The following IBTK variants were observed in gnomAD, a reference collection of about 807,000 sequenced individuals.
IBTK encodes the protein BTK-binding protein.
Under a neutral mutation model 154.9 loss-of-function variants are expected in IBTK, and 83 were observed. The ratio of observed to expected loss-of-function variants is 0.54; its 90% CI spans 0.45 to 0.64. The LOEUF is 0.64. Among genes scored for constraint, IBTK ranks in the 30% least tolerant of loss-of-function variants. IBTK has a pLI of 0.00. For synonymous variants in IBTK, 515 were observed against 536.1 expected, an observed-to-expected ratio of 0.96 and a Z score of 0.54; for missense variants, 1,332 against 1,584.6, an observed-to-expected ratio of 0.84 and a Z score of 2.71.
intron 26 of IBTK, among the ~76,000 whole-genome samples, chr6:82,179,317 T>C (rs1338705200): frequency 6.6e-6 from 1 of 152,202 alleles, no homozygotes; most frequent in Non-Finnish European, 1.5e-5. Context: ...TATTTTTGTT[T>C]GATTTTGGTT....
At position 82,194,624 on chromosome 6, in the gene IBTK, C is replaced by A; in HGVS notation, c.3193G>T (p.Val1065Phe). 6.3e-7 allele frequency: 1 copy of A among 1,586,274 alleles called. No individual in the cohort carries two copies. Among genetic ancestry groups the A allele is most frequent in the Non-Finnish European group, 8.6e-7 (1 of 1,168,132 alleles). ...GAATACACAGGAGATGTACCATTAA[C>A]ATACGGTTTGACTTTCGCCTGGGGA... ...DKIEAKVKPY[V>F]NGTSPVYSRE... Residue 1065 changes from valine (V) to phenylalanine (F), a missense_variant, in exon 23 of 29, where the codon GTT (valine) becomes TTT (phenylalanine). By Grantham distance (50) the Val-to-Phe change is conservative. Coordinates refer to ENST00000306270, the MANE Select transcript of IBTK (RefSeq NM_015525.4).
At chr6:82,187,564 T>C (rs934551331) in intron 25 of IBTK, among the ~76,000 whole-genome samples, 1 of 152,156 alleles carries the variant, frequency 6.6e-6, no homozygotes, top group East Asian at 1.9e-4. Flanking sequence ...CAACACATTT[T>C]TGAAGGATAG....
At chr6:82,207,167 T>C (rs1483444473) in intron 16 of IBTK, among the ~76,000 whole-genome samples, 1 of 152,166 alleles carries the variant, frequency 6.6e-6, no homozygotes, top group African/African-American at 2.4e-5. Flanking sequence ...GCAGATGACA[T>C]GATCTTGCAT....
At chr6:82,205,757 C>G (rs1487096090) in intron 16 of IBTK, 1 of 152,172 alleles carries the variant, frequency 6.6e-6, no homozygotes, top group Non-Finnish European at 1.5e-5. Context: ...CAGAGTGAGA[C>G]TCCATCTCAA....
At position 82,224,126 on chromosome 6, in the gene IBTK, A is replaced by G. The variant is rs1211089840; in HGVS notation, c.885T>C (p.His295=). The change falls in exon 7 of 29, where the codon CAT becomes CAC. Residue 295 remains histidine (H), a synonymous_variant. Transcript: ENST00000306270. ...TIIGVAAGRF[H]TVLWTREAVY... is the part of the protein sequence containing the mutation. ...CAGCTTCTCTAGTCCATAGGACTGT[A>G]TGAAACCTGCCTGCTGCAACGCCAA... The G allele has an allele frequency of 6.2e-7, 1 of 1,614,080 alleles. No homozygotes were observed. Among genetic ancestry groups the G allele is most frequent in the South Asian group, 1.1e-5 (1 of 91,084 alleles).
At position 82,204,866 on chromosome 6, in the gene IBTK, T is replaced by C; in HGVS notation, c.2602A>G (p.Thr868Ala). 1.3e-6 allele frequency: 2 copies of C among 1,592,192 alleles called. No homozygotes were observed. The highest frequency in any genetic ancestry group is 1.7e-6 in the Non-Finnish European group (2 of 1,164,452). Residue 868 changes from threonine (T) to alanine (A), a missense_variant, in exon 17 of 29, where the codon ACT (threonine) becomes GCT (alanine). Thr to Ala is a moderately conservative substitution (Grantham distance 58). Transcript: ENST00000306270. ...ACTCAAAATTACTCACGTTTTTCAGTTAATGCTACTTCACAAATCTCTTTC... is the reference window on the plus strand; with the variant it reads ...ACTCAAAATTACTCACGTTTTTCAGCTAATGCTACTTCACAAATCTCTTTC... ...RLKEICEVAL[T>A]EKLTLKNAAM...
chr6:82,212,516 T>C (rs1342686292), intron 13 of IBTK, among the ~76,000 whole-genome samples, 191 bp downstream of exon 13: 2 of 152,156 alleles, frequency 1.3e-5, no homozygotes, highest in Non-Finnish European at 2.9e-5. Context: ...TCCTTTGATG[T>C]CTTCAGCAGT....
At chr6:82,247,260 T>C (rs1461368911) in intron 1 of IBTK, among the ~76,000 whole-genome samples, 1 of 152,190 alleles carries the variant, frequency 6.6e-6, no homozygotes, top group Admixed American at 6.5e-5. Context: ...ACTACATAAC[T>C]ATCACAACTA....
At chr6:82,173,045 C>T (rs961453800) in intron 27 of IBTK, 1 of 202,406 alleles carries the variant, frequency 4.9e-6, no homozygotes, top group African/African-American at 2.4e-5. Flanking sequence ...TGTGTCGCCC[C>T]GGCTGGAGTA....
At chr6:82,229,087 T>TA (rs1770406408) in intron 4 of IBTK, among the ~76,000 whole-genome samples, 1 of 152,172 alleles carries the variant, frequency 6.6e-6, no homozygotes, top group Non-Finnish European at 1.5e-5. Context: ...GCTCTCTATA[T>TA]AACTGGTACT....
At chr6:82,205,645 A>G (rs1769379117) in intron 16 of IBTK, 1 of 152,394 alleles carries the variant, frequency 6.6e-6, no homozygotes, top group Admixed American at 6.5e-5. Flanking sequence ...ACATGCCTGT[A>G]GTCCCAGTTA....
chr6:82,184,014 G>A (rs1274776557), intron 25 of IBTK, among the ~76,000 whole-genome samples: 1 of 152,202 alleles, frequency 6.6e-6, no homozygotes, highest in Non-Finnish European at 1.5e-5. Flanking sequence ...ATAAATATCT[G>A]TTCATTATAA....
At chr6:82,233,966 T>C (rs904221451) in intron 3 of IBTK, among the ~76,000 whole-genome samples, 193 bp downstream of exon 3, 6 of 152,104 alleles carry the variant, frequency 3.9e-5, no homozygotes, top group African/African-American at 1.4e-4. Context: ...TGACCTCAAG[T>C]GATCCGCCTG....
intron 23 of IBTK, among the ~76,000 whole-genome samples, 172 bp downstream of exon 23, chr6:82,194,307 G>T (rs182272340): frequency 2.6e-5 from 4 of 152,014 alleles, no homozygotes; most frequent in East Asian, 1.9e-4. Context: ...GGGTTGGTTG[G>T]GGGGGAAGCC....
rs543228454 is a variant in IBTK, at chr6:82,227,013, A to G, written c.654+179T>C. 2.0e-5 allele frequency among the ~76,000 whole-genome samples: 3 copies of G among 152,298 alleles called. No individual in the cohort carries two copies. In the South Asian group the frequency reaches 6.2e-4, roughly 32 times the overall value. On this transcript the variant is annotated intron_variant, in intron 5 of 28. Coordinates refer to ENST00000306270, the MANE Select transcript of IBTK (RefSeq NM_015525.4). ...GTATTACTTTTTTTAATCCTTTTGC[A>G]TTGTATGTAAATCCTTAATTTAAAC...
chr6:82,200,096 A>G (rs1255172398), intron 21 of IBTK, 45 bp downstream of exon 21: 6 of 1,161,314 alleles, frequency 5.2e-6, no homozygotes, highest in Middle Eastern at 2.0e-4. Flanking sequence ...GTGAATAGAG[A>G]CATAGAAGAT....
intron 9 of IBTK, among the ~76,000 whole-genome samples, chr6:82,219,437 AT>A (rs1312198724): frequency 6.6e-6 from 1 of 152,136 alleles, no homozygotes. Flanking sequence ...CATTATTTTA[AT>A]TTGATAAGTA....
At chr6:82,232,015 T>C (rs1021538591) in intron 3 of IBTK, among the ~76,000 whole-genome samples, 173 bp from the exon 4 acceptor site, 1 of 151,916 alleles carries the variant, frequency 6.6e-6, no homozygotes, top group Admixed American at 6.6e-5. Flanking sequence ...CCTGTCTCAA[T>C]GCAAGCAATC....
rs549192194 is a variant in IBTK, at chr6:82,196,937, G to A, written c.3026-491C>T. ...GCCAGCTGACTGACCCCATAGCAGAGGCTCCCGCAGAAGACAACTGTGGCC... is the reference window on the plus strand; with the variant it reads ...GCCAGCTGACTGACCCCATAGCAGAAGCTCCCGCAGAAGACAACTGTGGCC... On this transcript the variant is annotated intron_variant, in intron 21 of 28. Coordinates refer to ENST00000306270, the MANE Select transcript of IBTK (RefSeq NM_015525.4). Among the ~76,000 whole-genome samples, 73 of 152,288 alleles carry A rather than the reference G, an allele frequency of 4.8e-4. 1 individual carries two copies. The highest frequency in any genetic ancestry group is 1.6e-3 in the African/African-American group (68 of 41,556).
Sources: gnomAD v4.1 joint callset for allele counts (sites outside exome capture counted in the v4.1 genomes callset) on GRCh38, gnomAD v4.1.1 for gene constraint, MANE v1.5 for transcripts, NCBI Gene and HGNC (gene_info 2026-07-23, HGNC 2026-07-21) for gene names.